The following KRABD4 variants were observed in gnomAD, a reference collection of about 807,000 sequenced individuals.
The protein encoded by KRABD4 is KRAB domain containing 4.
the KRABD4 span, among the ~76,000 whole-genome samples, chrX:46,453,421 T>C: frequency 3.0e-5 from 3 of 100,623 alleles, no homozygotes; most frequent in Non-Finnish European, 4.0e-5. Context: ...TAAGAGGATA[T>C]TGGTATAACT....
At chrX:46,452,198 A>G in the KRABD4 span, among the ~76,000 whole-genome samples, 10 of 110,315 alleles carry the variant, frequency 9.1e-5, 1 homozygote, top group South Asian at 2.3e-3. Flanking sequence ...CCTATGCACA[A>G]TCACTCGTTT....
At chrX:46,460,381 C>T in the KRABD4 span, among the ~76,000 whole-genome samples, 3 of 105,689 alleles carry the variant, frequency 2.8e-5, no homozygotes, top group Non-Finnish European at 5.8e-5. Flanking sequence ...CACATCATTG[C>T]ACTCCAGCCT....
At chrX:46,463,271 G>T in the KRABD4 span, 15 of 1,210,496 alleles carry the variant, frequency 1.2e-5, no homozygotes, top group Admixed American at 2.4e-4. Context: ...CAGATGGGGG[G>T]ACCCCGGTAC....
chrX:46,462,517 AAAAAAG>A, the KRABD4 span: 2 of 486,450 alleles, frequency 4.1e-6, no homozygotes, highest in East Asian at 4.1e-5. Flanking sequence ...CTCAAAAAAA[AAAAAAG>A]AAAGAAAGGC....
chrX:46,461,879 C>G, the KRABD4 span, among the ~76,000 whole-genome samples: 1 of 111,308 alleles, frequency 9.0e-6, no homozygotes, highest in Admixed American at 9.5e-5. Context: ...ACCCGGACCC[C>G]TTCCTACATC....
chrX:46,472,634 C>T, the KRABD4 span: 1 of 836,992 alleles, frequency 1.2e-6, no homozygotes, highest in South Asian at 2.5e-5. Context: ...CCATCCACAT[C>T]AGCTCAAGTC....
chrX:46,468,832 C>G, the KRABD4 span, among the ~76,000 whole-genome samples: 19 of 111,496 alleles, frequency 1.7e-4, no homozygotes, highest in Admixed American at 7.6e-4. Context: ...ATATGTGTCA[C>G]TCTGTACACC....
At chrX:46,450,486 A>C in the KRABD4 span, 1 of 1,203,503 alleles carries the variant, frequency 8.3e-7, no homozygotes, top group African/African-American at 1.8e-5. Context: ...GTGAGTTTCT[A>C]ATTTACCCAT....
the KRABD4 span, chrX:46,450,524 G>A: frequency 8.8e-7 from 1 of 1,130,413 alleles, no homozygotes. Context: ...ATTGAGGCAA[G>A]GTTTGGAATC....
At chrX:46,455,317 CAA>C in the KRABD4 span, 2 of 562,373 alleles carry the variant, frequency 3.6e-6, no homozygotes, top group Non-Finnish European at 6.0e-6. Flanking sequence ...ATCCTTTCTG[CAA>C]TCACTGTCAA....
At chrX:46,453,803 G>A in the KRABD4 span, among the ~76,000 whole-genome samples, 5 of 111,585 alleles carry the variant, frequency 4.5e-5, no homozygotes, top group Non-Finnish European at 9.4e-5. Context: ...AGCAAATTCT[G>A]GCAAGAAATG....
chrX:46,452,349 A>G, the KRABD4 span, among the ~76,000 whole-genome samples: 23 of 106,536 alleles, frequency 2.2e-4, no homozygotes, highest in Non-Finnish European at 3.9e-4. Context: ...TTAGTGTGGC[A>G]CTATTGACAT....
the KRABD4 span, among the ~76,000 whole-genome samples, chrX:46,453,108 G>A: frequency 8.9e-6 from 1 of 111,910 alleles, no homozygotes; most frequent in Admixed American, 9.5e-5. Flanking sequence ...ATTTTTCATA[G>A]TTTATTATTT....
the KRABD4 span, chrX:46,473,051 A>C: frequency 5.0e-6 from 6 of 1,208,900 alleles, no homozygotes; most frequent in Non-Finnish European, 6.7e-6. Context: ...TTCCATTATA[A>C]TCTTCATAAA....
chrX:46,470,958 G>T, the KRABD4 span, among the ~76,000 whole-genome samples: 1 of 111,569 alleles, frequency 9.0e-6, no homozygotes, highest in African/African-American at 3.2e-5. Flanking sequence ...CACTTGAAAA[G>T]AATGTATATT....
chrX:46,467,599 C>G, the KRABD4 span, among the ~76,000 whole-genome samples: 2 of 111,378 alleles, frequency 1.8e-5, no homozygotes, highest in African/African-American at 6.5e-5. Flanking sequence ...AAACTGTTTT[C>G]TAGTGTGGCT....
chrX:46,456,040 T>G, the KRABD4 span: 3 of 358,899 alleles, frequency 8.4e-6, no homozygotes, highest in Non-Finnish European at 1.1e-5. Context: ...CTTCCTCTTC[T>G]GAAATCTACT....
the KRABD4 span, chrX:46,456,031 T>G: frequency 1.5e-4 from 55 of 355,202 alleles, no homozygotes; most frequent in East Asian, 2.3e-3. Context: ...AGTTAGGTGC[T>G]TCCTCTTCTG....
At chrX:46,466,439 T>C in the KRABD4 span, among the ~76,000 whole-genome samples, 1 of 112,073 alleles carries the variant, frequency 8.9e-6, no homozygotes, top group African/African-American at 3.2e-5. Context: ...ATTTATCCCC[T>C]GTCCATCTGC....
Sources: gnomAD v4.1 joint callset for allele counts (sites outside exome capture counted in the v4.1 genomes callset) on GRCh38, gnomAD v4.1.1 for gene constraint, MANE v1.5 for transcripts, NCBI Gene and HGNC (gene_info 2026-07-23, HGNC 2026-07-21) for gene names.